NALF1: variants seen among roughly 807,000 people sequenced by gnomAD.
NALF1 encodes NALCN channel auxiliary factor 1, also known as family with sequence similarity 155 member A.
Under a neutral mutation model 48.4 loss-of-function variants are expected in NALF1, and 3 were observed. The ratio of observed to expected loss-of-function variants is 0.06; its 90% confidence interval spans 0.03 to 0.16. The LOEUF is 0.16. Ranked by LOEUF, NALF1 falls within the 10% of genes least tolerant of loss-of-function variation. The pLI is 1.00. For synonymous variants in NALF1, 262 were observed against 245.7 expected, an observed-to-expected ratio of 1.07 and a Z score of -0.62; for missense variants, 526 against 571.5, an observed-to-expected ratio of 0.92 and a Z score of 0.81.
intron 2 of NALF1, among the ~76,000 whole-genome samples, chr13:107,185,329 A>G (rs1879147991): frequency 6.6e-6 from 1 of 152,272 alleles, no homozygotes; most frequent in South Asian, 2.1e-4. Flanking sequence ...TATTCATCTT[A>G]GAACAGAGAT....
At chr13:107,279,043 C>CTTCT (rs1881335905) in intron 1 of NALF1, among the ~76,000 whole-genome samples, 3 of 122,940 alleles carry the variant, frequency 2.4e-5, no homozygotes, top group Non-Finnish European at 3.3e-5. Context: ...TTCTTTTCTT[C>CTTCT]TTTTTTTTTT....
intron 1 of NALF1, among the ~76,000 whole-genome samples, chr13:107,675,197 A>G (rs4772901): frequency 0.99 from 150,395 of 152,292 alleles, 74,283 homozygotes; most frequent in East Asian, 1. Flanking sequence ...CCATTTCCAT[A>G]GCAACTTGCT....
rs536907408 is a variant in NALF1 at position 107,680,852 on chromosome 13, ATG to A, written c.915+184828_915+184829del. On this transcript the variant is annotated intron_variant, in intron 1 of 2. Coordinates refer to ENST00000375915, the MANE Select transcript of NALF1 (RefSeq NM_001080396.3). ...TGAATGTGCATGAGAGTGTAAGAGTATGTGAGTGTGCAAATGTAAGGGTGTGT... is the reference window on the plus strand; with the variant it reads ...TGAATGTGCATGAGAGTGTAAGAGTATGAGTGTGCAAATGTAAGGGTGTGT... Among the ~76,000 whole-genome samples the A allele has an allele frequency of 7.4e-5, 10 of 135,382 alleles. 1 individual carries two copies. In the East Asian group the frequency reaches 2.3e-3, roughly 31 times the overall value. The allele number at this position is 135,382 out of a possible 152,430, so 88.8% of individuals were successfully genotyped here.
intron 1 of NALF1, among the ~76,000 whole-genome samples, chr13:107,678,680 A>C (rs1881195901): frequency 6.6e-6 from 1 of 152,216 alleles, no homozygotes; most frequent in African/African-American, 2.4e-5. Context: ...CAGGAAACTC[A>C]CAATCATGGT....
intron 1 of NALF1, among the ~76,000 whole-genome samples, chr13:107,744,545 G>A (rs1876730698): frequency 6.6e-6 from 1 of 152,196 alleles, no homozygotes; most frequent in African/African-American, 2.4e-5. Context: ...ACAGATAGGT[G>A]CAGCCCTATA....
chr13:107,512,998 C>T (rs929378418), intron 1 of NALF1, among the ~76,000 whole-genome samples: 2 of 152,108 alleles, frequency 1.3e-5, no homozygotes, highest in Non-Finnish European at 2.9e-5. Flanking sequence ...TTCTTTTGGC[C>T]ACCTATTACA....
intron 1 of NALF1, among the ~76,000 whole-genome samples, chr13:107,635,106 C>A (rs1463907040): frequency 6.6e-6 from 1 of 152,076 alleles, no homozygotes; most frequent in East Asian, 1.9e-4. Context: ...AATTGGTGTT[C>A]CCTCTATAAA....
intron 2 of NALF1, among the ~76,000 whole-genome samples, chr13:107,176,889 TTTTAAATTTA>T (rs1282192430): frequency 9.2e-5 from 14 of 151,982 alleles, no homozygotes; most frequent in African/African-American, 3.1e-4. Flanking sequence ...TTTTGTTTGT[TTTTAAATTTA>T]TTTAAATTTA....
chr13:107,758,139 T>A (rs1877166778), intron 1 of NALF1, among the ~76,000 whole-genome samples: 1 of 152,056 alleles, frequency 6.6e-6, no homozygotes, highest in Non-Finnish European at 1.5e-5. Context: ...GCAAGAAAAA[T>A]GTCCAATGGA....
At chr13:107,302,848 TCA>T (rs916056389) in intron 1 of NALF1, among the ~76,000 whole-genome samples, 1 of 151,576 alleles carries the variant, frequency 6.6e-6, no homozygotes, top group Admixed American at 6.6e-5. Flanking sequence ...TCTCACTCTC[TCA>T]CACACACACA....
intron 1 of NALF1, among the ~76,000 whole-genome samples, chr13:107,291,060 C>T (rs1329843146): frequency 6.6e-6 from 1 of 150,974 alleles, no homozygotes; most frequent in African/African-American, 2.4e-5. Flanking sequence ...CAACATTGTA[C>T]CTCTATCATT....
intron 1 of NALF1, among the ~76,000 whole-genome samples, chr13:107,344,197 G>T (rs900660637): frequency 1.3e-5 from 2 of 152,012 alleles, no homozygotes; most frequent in Non-Finnish European, 2.9e-5. Flanking sequence ...TCAGTAATCA[G>T]AAACCTCCCA....
intron 1 of NALF1, among the ~76,000 whole-genome samples, chr13:107,387,562 T>A (rs1883551073): frequency 6.6e-6 from 1 of 152,004 alleles, no homozygotes. Context: ...CTGTTCAGTG[T>A]CACAAAAATG....
chr13:107,438,243 C>T (rs933580704), intron 1 of NALF1, among the ~76,000 whole-genome samples: 1 of 151,944 alleles, frequency 6.6e-6, no homozygotes, highest in Non-Finnish European at 1.5e-5. Context: ...GAACTAAATC[C>T]CAATATTTTT....
At chr13:107,221,593 T>C (rs188161744) in intron 1 of NALF1, among the ~76,000 whole-genome samples, 38 of 151,834 alleles carry the variant, frequency 2.5e-4, no homozygotes, top group Non-Finnish European at 5.2e-4. Flanking sequence ...AAATAAAAAG[T>C]AAAAAAATAA....
At chr13:107,657,906 G>A (rs1239918916) in intron 1 of NALF1, among the ~76,000 whole-genome samples, 1 of 152,106 alleles carries the variant, frequency 6.6e-6, no homozygotes, top group African/African-American at 2.4e-5. Context: ...CTTTACTTTA[G>A]TGAGGAGCTT....
At chr13:107,365,470 G>C (rs1297738706) in intron 1 of NALF1, among the ~76,000 whole-genome samples, 1 of 152,040 alleles carries the variant, frequency 6.6e-6, no homozygotes, top group Admixed American at 6.6e-5. Flanking sequence ...TCACTTTAGG[G>C]CTTTCTCTCT....
At chr13:107,404,041 T>C (rs1883859905) in intron 1 of NALF1, among the ~76,000 whole-genome samples, 1 of 152,138 alleles carries the variant, frequency 6.6e-6, no homozygotes, top group Non-Finnish European at 1.5e-5. Flanking sequence ...AAAGATTTAG[T>C]TACAGATCTT....
intron 1 of NALF1, among the ~76,000 whole-genome samples, chr13:107,845,081 CATAGCTTA>C (rs1401886132): frequency 6.6e-6 from 1 of 152,192 alleles, no homozygotes; most frequent in Non-Finnish European, 1.5e-5. Context: ...ACACTATACA[CATAGCTTA>C]ATAGTTCAAA....
Sources: allele counts gnomAD v4.1 joint callset (sites outside exome capture counted in the v4.1 genomes callset), GRCh38; gene constraint gnomAD v4.1.1; transcripts MANE v1.5; gene names NCBI Gene and HGNC (gene_info 2026-07-23, HGNC 2026-07-21).